The following USP7 variants were observed in gnomAD, a reference collection of about 807,000 sequenced individuals.
USP7 encodes ubiquitin specific peptidase 7, also known as ubiquitin C-terminal hydrolase 7.
In USP7, 9 loss-of-function variants were observed where a neutral mutation model predicts 162.9. The observed-to-expected ratio is 0.06, with a 90% CI of 0.03 to 0.10. The LOEUF (loss-of-function observed/expected upper bound fraction) is 0.10. Among genes scored for constraint, USP7 ranks in the 10% least tolerant of loss-of-function variants. The probability of loss-of-function intolerance (pLI) is 1.00; values close to 1 mark genes in which losing one functional copy is unlikely to be tolerated. For missense variants in USP7, 715 were observed against 1,373.7 expected, an observed-to-expected ratio of 0.52 and a Z score of 7.58; for synonymous variants, 562 against 475.9, an observed-to-expected ratio of 1.18 and a Z score of -2.35.
intron 14 of USP7, among the ~76,000 whole-genome samples, 184 bp from the exon 15 acceptor site, chr16:8,904,749 T>C (rs544201494): frequency 4.0e-5 from 6 of 151,460 alleles, no homozygotes; most frequent in African/African-American, 1.2e-4. Flanking sequence ...AAGACCATCT[T>C]GGCTAACATG....
At chr16:8,932,213 C>G (rs997615196) in intron 1 of USP7, among the ~76,000 whole-genome samples, 1 of 152,198 alleles carries the variant, frequency 6.6e-6, no homozygotes, top group Non-Finnish European at 1.5e-5. Flanking sequence ...ACGTTTAAGA[C>G]ATTAAAGATC....
At position 8,926,176 on chromosome 16, in the gene USP7, T is replaced by G. The variant is rs868382829; in HGVS notation, c.185-2763A>C. Among the ~76,000 whole-genome samples, 17 of 139,500 alleles carry G rather than the reference T, an allele frequency of 1.2e-4. 1 individual carries two copies. Among genetic ancestry groups the G allele is most frequent in the African/African-American group, 4.3e-4 (16 of 37,158 alleles). 91.5% of individuals were successfully genotyped at this position (139,500 alleles called of 152,430 possible). On this transcript the variant is annotated intron_variant, in intron 2 of 30. Coordinates refer to ENST00000344836, the MANE Select transcript of USP7 (RefSeq NM_003470.3). ...CTCAAAAAAAAAAAAAAAGAAAATT[T>G]CACTAAAAAACAAAAGGTCGGCCGG...
At chr16:8,903,958 A>G (rs892816546) in intron 15 of USP7, among the ~76,000 whole-genome samples, 4 of 152,036 alleles carry the variant, frequency 2.6e-5, no homozygotes, top group Admixed American at 6.5e-5. Context: ...CTAGCTAGAC[A>G]GCCAACGGTG....
chr16:8,941,392 G>C (rs868699289), intron 1 of USP7, among the ~76,000 whole-genome samples: 1 of 152,168 alleles, frequency 6.6e-6, no homozygotes, highest in African/African-American at 2.4e-5. Context: ...TTTTAACAAA[G>C]AAAACATCTT....
chr16:8,906,374 T>G (rs2061860915), intron 13 of USP7, 52 bp downstream of exon 13: 1 of 1,584,552 alleles, frequency 6.3e-7, no homozygotes, highest in Non-Finnish European at 8.6e-7. Flanking sequence ...GAAGCAGAGC[T>G]TGTGTTAACT....
rs1408610872 is a variant in USP7 at position 8,917,013 on chromosome 16, G to C, written c.851+13C>G. On this transcript the variant is annotated intron_variant, in intron 7 of 30. Coordinates refer to ENST00000344836, the MANE Select transcript of USP7 (RefSeq NM_003470.3). ...AGGAAGCAGAATGGCAAAGGCAGATGTCTAATACATACCCAAATGACTTTG... is the reference window on the plus strand; with the variant it reads ...AGGAAGCAGAATGGCAAAGGCAGATCTCTAATACATACCCAAATGACTTTG... 9 of 1,575,088 alleles carry C rather than the reference G, an allele frequency of 5.7e-6. No individual in the cohort carries two copies. Among genetic ancestry groups the C allele is most frequent in the Non-Finnish European group, 7.7e-6 (9 of 1,163,704 alleles).
At chr16:8,963,155 C>A (rs1163367782) in intron 1 of USP7, 52 bp downstream of exon 1, 62 of 1,365,410 alleles carry the variant, frequency 4.5e-5, no homozygotes, top group Non-Finnish European at 5.6e-5. Flanking sequence ...GCTCCCCCGG[C>A]CACAATGAAA....
Position 8,916,569 on chromosome 16 carries a change from A to C in USP7, c.852-13T>G, listed in dbSNP as rs111561877. 6.5e-7 allele frequency: 1 copy of C among 1,530,838 alleles called. No individual in the cohort carries two copies. Among genetic ancestry groups the C allele is most frequent in the Admixed American group, 2.1e-5 (1 of 48,140 alleles). The allele number at this position is 1,530,838 out of a possible 1,614,324, so 94.8% of individuals were successfully genotyped here. A position where few individuals can be genotyped will look rare whatever the true frequency, so the allele number is the denominator to read the frequency against. ...TAAAGTTTCCCACCTTTCAAAGATA[A>C]AACAAACAACTCCATTTAAAGCTCA... On this transcript the variant is annotated splice_polypyrimidine_tract_variant and intron_variant, in intron 7 of 30. Coordinates refer to ENST00000344836, the MANE Select transcript of USP7 (RefSeq NM_003470.3).
At chr16:8,937,564 G>A (rs1298178052) in intron 1 of USP7, among the ~76,000 whole-genome samples, 1 of 152,062 alleles carries the variant, frequency 6.6e-6, no homozygotes, top group Non-Finnish European at 1.5e-5. Context: ...GTTGGGTGTG[G>A]TGGTGCACAC....
chr16:8,922,147 C>T (rs546505501), intron 3 of USP7, among the ~76,000 whole-genome samples: 14 of 152,324 alleles, frequency 9.2e-5, no homozygotes, highest in African/African-American at 3.4e-4. Context: ...CAACTTTAAC[C>T]ATCCACAGGC....
At position 8,902,521 on chromosome 16, in the gene USP7, G is replaced by A. The variant is rs370510573; in HGVS notation, c.1840-39C>T. On this transcript the variant is annotated intron_variant, in intron 16 of 30. Coordinates refer to ENST00000344836, the MANE Select transcript of USP7 (RefSeq NM_003470.3). ...TAAGAGTAGATTAAAATAAAAACAC[G>A]CTCATATTTTAGTCCTCTATATTAC... 158 of 1,558,666 alleles carry A rather than the reference G, an allele frequency of 1.0e-4. 1 individual carries two copies. Among genetic ancestry groups the A allele is most frequent in the South Asian group, 3.8e-4 (33 of 87,826 alleles).
chr16:8,895,007 A>C, intron 28 of USP7, 24 bp downstream of exon 28: 7 of 1,614,188 alleles, frequency 4.3e-6, no homozygotes, highest in Non-Finnish European at 5.9e-6. Flanking sequence ...GACGTGAGCC[A>C]CTCGGCCAAC....
chr16:8,906,621 T>C lies in USP7; in HGVS notation c.1272-39A>G. 1.9e-6 allele frequency: 3 copies of C among 1,584,568 alleles called. No individual in the cohort carries two copies. The South Asian group carries it at 3.4e-5, about 18-fold the overall frequency. ...TTTTAAAAGAAATTCAGTATTAATT[T>C]ACACAAAAAATATCACACTTTACAG... On this transcript the variant is annotated intron_variant, in intron 12 of 30. Coordinates refer to ENST00000344836, the MANE Select transcript of USP7 (RefSeq NM_003470.3).
chr16:8,907,407 T>A (rs1200272571), intron 12 of USP7, among the ~76,000 whole-genome samples: 2 of 152,224 alleles, frequency 1.3e-5, no homozygotes, highest in Non-Finnish European at 2.9e-5. Context: ...GTAAAGTGAT[T>A]TGATTACACT....
chr16:8,907,891 T>G (rs1212631565), intron 12 of USP7, among the ~76,000 whole-genome samples: 1 of 152,236 alleles, frequency 6.6e-6, no homozygotes, highest in Non-Finnish European at 1.5e-5. Flanking sequence ...TTTAGCATTC[T>G]TGAAAACTCT....
intron 1 of USP7, among the ~76,000 whole-genome samples, chr16:8,935,244 A>C: frequency 7.2e-6 from 1 of 138,612 alleles, no homozygotes; most frequent in Non-Finnish European, 1.5e-5. Flanking sequence ...TCTGTCTCCC[A>C]GGCTGGAGTG....
intron 25 of USP7, among the ~76,000 whole-genome samples, chr16:8,897,726 A>ATATATATAT (rs61280114): frequency 2.8e-4 from 2 of 7,136 alleles, no homozygotes; most frequent in Non-Finnish European, 4.7e-4. Flanking sequence ...AAAAAAAAAA[A>ATATATATAT]ATATATATAT....
At chr16:8,957,864 A>G (rs376829358) in intron 1 of USP7, among the ~76,000 whole-genome samples, 1 of 152,322 alleles carries the variant, frequency 6.6e-6, no homozygotes, top group East Asian at 1.9e-4. Flanking sequence ...AAAGTCTATC[A>G]ATGTCTTTGT....
intron 27 of USP7, 82 bp downstream of exon 27, chr16:8,895,560 T>C: frequency 8.5e-7 from 1 of 1,170,922 alleles, no homozygotes; most frequent in Non-Finnish European, 1.3e-6. Flanking sequence ...AAGCTACTTG[T>C]ACAACTTGCT....
Sources: allele counts gnomAD v4.1 joint callset (sites outside exome capture counted in the v4.1 genomes callset), GRCh38; gene constraint gnomAD v4.1.1; transcripts MANE v1.5; gene names NCBI Gene and HGNC (gene_info 2026-07-23, HGNC 2026-07-21).